FMN1: variants seen among roughly 807,000 people sequenced by gnomAD.
The protein encoded by FMN1 is formin 1.
In FMN1, 110 loss-of-function variants were observed where a neutral mutation model predicts 132.4. That is an observed-to-expected ratio of 0.83 (90% CI 0.71 to 0.97). FMN1 has a LOEUF of 0.97. Among genes scored for constraint, FMN1 ranks in the 50% least tolerant of loss-of-function variants. FMN1 has a pLI of 0.00. For synonymous variants in FMN1, 722 were observed against 651.7 expected, an observed-to-expected ratio of 1.11 and a Z score of -1.64; for missense variants, 1,792 against 1,705.3, an observed-to-expected ratio of 1.05 and a Z score of -0.90.
intron 12 of FMN1, among the ~76,000 whole-genome samples, chr15:32,903,137 G>A (rs1368757585): frequency 6.6e-6 from 1 of 152,040 alleles, no homozygotes; most frequent in Non-Finnish European, 1.5e-5. Context: ...AATTGATTTC[G>A]TATTTATTCC....
At chr15:32,778,167 ATATAATACATTTATTTATATAT>A (rs1448929744) in intron 19 of FMN1, among the ~76,000 whole-genome samples, 2 of 97,336 alleles carry the variant, frequency 2.1e-5, no homozygotes, top group African/African-American at 8.6e-5. Context: ...ATTATATATT[ATATAATACATTTATTTATATAT>A]TATATAATAC....
chr15:32,943,840 T>C (rs971858972), intron 9 of FMN1, among the ~76,000 whole-genome samples: 7 of 152,158 alleles, frequency 4.6e-5, no homozygotes, highest in African/African-American at 9.7e-5. Context: ...TTCTAAGTAA[T>C]AGACATCTAA....
chr15:32,890,725 C>T (rs2060007083), intron 15 of FMN1, among the ~76,000 whole-genome samples: 1 of 152,080 alleles, frequency 6.6e-6, no homozygotes, highest in Admixed American at 6.5e-5. Flanking sequence ...TTTTGAGGTA[C>T]CAAAGCTCTT....
chr15:32,802,244 C>T (rs781586483), intron 18 of FMN1, among the ~76,000 whole-genome samples: 28 of 152,156 alleles, frequency 1.8e-4, no homozygotes, highest in Non-Finnish European at 3.5e-4. Context: ...TTAATTCAGC[C>T]AAACATTTTT....
chr15:33,006,544 T>G (rs1310014585), intron 7 of FMN1, among the ~76,000 whole-genome samples: 3 of 152,122 alleles, frequency 2.0e-5, no homozygotes, highest in Non-Finnish European at 4.4e-5. Flanking sequence ...TGGGTATATA[T>G]TTAAAGGAAA....
intron 17 of FMN1, among the ~76,000 whole-genome samples, chr15:32,850,512 C>T (rs899782189): frequency 7.2e-5 from 11 of 152,254 alleles, no homozygotes; most frequent in African/African-American, 2.6e-4. Context: ...TTCAGCAATT[C>T]TGAAAGGATT....
intron 9 of FMN1, among the ~76,000 whole-genome samples, chr15:32,962,406 C>CTAA (rs914395502): frequency 6.6e-6 from 1 of 151,902 alleles, no homozygotes; most frequent in African/African-American, 2.4e-5. Context: ...AAAACCTAGG[C>CTAA]ATTACCATTC....
chr15:32,818,643 A>G (rs1173166093), intron 17 of FMN1, among the ~76,000 whole-genome samples: 1 of 152,198 alleles, frequency 6.6e-6, no homozygotes, highest in African/African-American at 2.4e-5. Flanking sequence ...CTGTGCTTAA[A>G]CCTAATATAT....
chr15:32,858,011 A>G (rs1023237683), intron 16 of FMN1, among the ~76,000 whole-genome samples: 10 of 152,186 alleles, frequency 6.6e-5, no homozygotes, highest in African/African-American at 2.4e-4. Flanking sequence ...TGGAAATTAG[A>G]TATGTTCTTG....
At chr15:32,883,781 T>C (rs2059829045) in intron 16 of FMN1, among the ~76,000 whole-genome samples, 1 of 152,160 alleles carries the variant, frequency 6.6e-6, no homozygotes, top group African/African-American at 2.4e-5. Context: ...AGCAAGCCAA[T>C]GTTTCATGCT....
At chr15:32,883,557 G>C (rs556453673) in intron 16 of FMN1, among the ~76,000 whole-genome samples, 44 of 129,312 alleles carry the variant, frequency 3.4e-4, no homozygotes, top group Non-Finnish European at 6.6e-4. Flanking sequence ...GAGATCAAGC[G>C]GTAAGTAATG....
intron 3 of FMN1, among the ~76,000 whole-genome samples, chr15:33,169,296 C>T (rs1358817904): frequency 6.6e-6 from 1 of 152,208 alleles, no homozygotes; most frequent in Non-Finnish European, 1.5e-5. Flanking sequence ...CGGCCTCACG[C>T]TGCTTCTAGA....
intron 9 of FMN1, among the ~76,000 whole-genome samples, chr15:32,943,183 G>A (rs546913177): frequency 3.3e-5 from 5 of 152,156 alleles, no homozygotes; most frequent in South Asian, 4.2e-4. Context: ...AGGGATACTC[G>A]ACCTGTATAC....
At chr15:33,000,611 T>C (rs911158077) in intron 7 of FMN1, among the ~76,000 whole-genome samples, 9 of 152,224 alleles carry the variant, frequency 5.9e-5, no homozygotes, top group East Asian at 5.8e-4. Flanking sequence ...AGAAACTCCA[T>C]CTTTACAAAA....
rs1566899114 is a variant in FMN1 at position 33,082,021 on chromosome 15, GT to G, written c.2043+6777del. On this transcript the variant is annotated intron_variant, in intron 5 of 20. Transcript: ENST00000616417. The stretch of plus-strand genomic sequence containing the variant: ...CAGAATCAACAAGAAGAGTTCAGGG[GT>G]GTGTGTGTGTGTGTGTGTGTGTGTG... Among the ~76,000 whole-genome samples, 467 of 47,234 alleles carry G rather than the reference GT, an allele frequency of 9.9e-3. 2 individuals are homozygous for G. The highest frequency in any genetic ancestry group is 0.042 in the East Asian group (26 of 616). The allele number at this position is 47,234 out of a possible 152,430, so 31.0% of individuals were successfully genotyped here.
intron 4 of FMN1, among the ~76,000 whole-genome samples, chr15:33,097,742 A>T (rs145597143): frequency 1.3e-5 from 2 of 152,350 alleles, no homozygotes; most frequent in East Asian, 3.9e-4. Context: ...ACCTCGCATT[A>T]ATAACAGAAC....
At chr15:32,923,107 T>C (rs1401852150) in intron 10 of FMN1, among the ~76,000 whole-genome samples, 2 of 152,224 alleles carry the variant, frequency 1.3e-5, no homozygotes, top group East Asian at 3.8e-4. Flanking sequence ...GCTTTGTGCA[T>C]GGCTAAAGGT....
intron 16 of FMN1, among the ~76,000 whole-genome samples, chr15:32,882,659 T>A (rs1405592218): frequency 6.6e-6 from 1 of 152,192 alleles, no homozygotes; most frequent in African/African-American, 2.4e-5. Context: ...GTACACCAAG[T>A]TAAATTAGAA....
chr15:32,922,086 A>G (rs1180195377), intron 10 of FMN1, among the ~76,000 whole-genome samples: 1 of 152,128 alleles, frequency 6.6e-6, no homozygotes, highest in Non-Finnish European at 1.5e-5. Context: ...CTGTTATTTC[A>G]TAGCCAATTC....
Sources: gnomAD v4.1 joint callset for allele counts (sites outside exome capture counted in the v4.1 genomes callset) on GRCh38, gnomAD v4.1.1 for gene constraint, MANE v1.5 for transcripts, NCBI Gene and HGNC (gene_info 2026-07-23, HGNC 2026-07-21) for gene names.